The following TASP1 variants were observed in gnomAD, a reference collection of about 807,000 sequenced individuals.
TASP1 encodes the protein taspase 1, also known as threonine aspartase 1.
In TASP1, 16 loss-of-function variants were observed where a neutral mutation model predicts 56.6. That is an observed-to-expected ratio of 0.28 (90% confidence interval 0.19 to 0.43). TASP1 has a LOEUF of 0.43. TASP1 is among the 20% of genes least tolerant of loss of function. The pLI, the probability that TASP1 is intolerant of heterozygous loss-of-function variation, is 1.00. For synonymous variants in TASP1, 179 were observed against 184.2 expected (o/e 0.97, Z 0.23); for missense variants, 393 against 511.6 (o/e 0.77, Z 2.24).
the TASP1 span, among the ~76,000 whole-genome samples, chr20:13,172,341 C>G: frequency 2.0e-5 from 3 of 152,062 alleles, no homozygotes; most frequent in African/African-American, 7.2e-5. Flanking sequence ...GCTTTTACTA[C>G]TGAATATTAT....
At chr20:13,188,465 T>C in the TASP1 span, among the ~76,000 whole-genome samples, 4 of 152,064 alleles carry the variant, frequency 2.6e-5, no homozygotes, top group Non-Finnish European at 5.9e-5. Context: ...ATACTATCAA[T>C]AAATTTAACC....
chr20:13,418,870 C>T (rs2042347768), intron 12 of TASP1, among the ~76,000 whole-genome samples: 1 of 152,168 alleles, frequency 6.6e-6, no homozygotes, highest in African/African-American at 2.4e-5. Context: ...ATCAAACAGA[C>T]TTGAAATAGC....
chr20:13,446,445 C>T (rs2043413622), intron 11 of TASP1, among the ~76,000 whole-genome samples: 1 of 152,066 alleles, frequency 6.6e-6, no homozygotes, highest in African/African-American at 2.4e-5. Flanking sequence ...TACTGTTCTT[C>T]TAAGAAATGT....
chr20:13,490,176 C>CTT (rs1359148711), intron 10 of TASP1, among the ~76,000 whole-genome samples: 1 of 152,066 alleles, frequency 6.6e-6, no homozygotes, highest in East Asian at 1.9e-4. Context: ...TTTTAACTGA[C>CTT]TTTTTTAGGG....
chr20:13,548,092 A>T (rs1386822424), intron 8 of TASP1, among the ~76,000 whole-genome samples: 3 of 152,144 alleles, frequency 2.0e-5, no homozygotes, highest in Admixed American at 2.0e-4. Flanking sequence ...CCGGAGTGAG[A>T]TGGCAAAAGA....
At chr20:13,340,794 C>T in the TASP1 span, among the ~76,000 whole-genome samples, 13 of 152,122 alleles carry the variant, frequency 8.5e-5, no homozygotes, top group Non-Finnish European at 1.9e-4. Flanking sequence ...AAATTTACCA[C>T]TGAAATCAAC....
At chr20:13,414,018 C>A (rs6109869) in intron 13 of TASP1, among the ~76,000 whole-genome samples, 9,653 of 152,198 alleles carry the variant, frequency 0.063, 453 homozygotes, top group African/African-American at 0.13. Flanking sequence ...ACACTTTTTA[C>A]TAACCATATT....
At chr20:13,128,559 C>T in the TASP1 span, among the ~76,000 whole-genome samples, 41 of 152,236 alleles carry the variant, frequency 2.7e-4, no homozygotes, top group East Asian at 5.6e-3. Context: ...TATCACCTTG[C>T]TTACAATTAT....
the TASP1 span, among the ~76,000 whole-genome samples, chr20:13,310,533 C>T: frequency 6.6e-6 from 1 of 151,962 alleles, no homozygotes; most frequent in Non-Finnish European, 1.5e-5. Context: ...TGTCTCCTGC[C>T]CAAATATGTA....
chr20:13,381,737 A>T, the TASP1 span, among the ~76,000 whole-genome samples: 1 of 152,102 alleles, frequency 6.6e-6, no homozygotes, highest in Non-Finnish European at 1.5e-5. Context: ...CTCTTTTCTT[A>T]TAGTCTGCCT....
the TASP1 span, among the ~76,000 whole-genome samples, chr20:13,277,830 TG>T: frequency 2.6e-5 from 4 of 152,052 alleles, no homozygotes; most frequent in African/African-American, 9.7e-5. Context: ...ACTCTGGGGT[TG>T]AAAGTCACCC....
chr20:13,149,609 C>A, the TASP1 span, among the ~76,000 whole-genome samples: 1 of 152,218 alleles, frequency 6.6e-6, no homozygotes, highest in Non-Finnish European at 1.5e-5. Flanking sequence ...GTGGCAACCA[C>A]AAAGTGTGTC....
chr20:13,620,805 C>T (rs1454673716), intron 4 of TASP1, among the ~76,000 whole-genome samples: 1 of 152,158 alleles, frequency 6.6e-6, no homozygotes, highest in African/African-American at 2.4e-5. Context: ...CTCAATACTG[C>T]TACTTATATT....
the TASP1 span, among the ~76,000 whole-genome samples, chr20:13,121,147 A>C: frequency 6.6e-6 from 1 of 152,210 alleles, no homozygotes; most frequent in Non-Finnish European, 1.5e-5. Context: ...AAGGATCTTG[A>C]GTCCACCTGC....
At chr20:13,593,266 C>T (rs781261707) in intron 4 of TASP1, among the ~76,000 whole-genome samples, 4 of 152,134 alleles carry the variant, frequency 2.6e-5, no homozygotes, top group Non-Finnish European at 5.9e-5. Context: ...GGAACAGCTC[C>T]GGTCTGCAGC....
At chr20:13,380,046 T>C in the TASP1 span, among the ~76,000 whole-genome samples, 4 of 152,200 alleles carry the variant, frequency 2.6e-5, no homozygotes, top group Non-Finnish European at 5.9e-5. Context: ...GAGTTTGTTA[T>C]TACCCACCTT....
chr20:13,175,411 C>T, the TASP1 span, among the ~76,000 whole-genome samples: 1 of 152,094 alleles, frequency 6.6e-6, no homozygotes, highest in African/African-American at 2.4e-5. Flanking sequence ...ATTTTCTGGT[C>T]TTAGTAACAG....
chr20:13,424,160 A>T (rs1325548341), intron 12 of TASP1, among the ~76,000 whole-genome samples: 1 of 152,216 alleles, frequency 6.6e-6, no homozygotes, highest in African/African-American at 2.4e-5. Flanking sequence ...AAATCATTAT[A>T]AGTTTTTTTT....
the TASP1 span, chr20:13,299,170 T>A: frequency 4.4e-6 from 7 of 1,608,988 alleles, no homozygotes. The surrounding 1 kb of genome is among the most constrained non-coding windows in gnomAD (Gnocchi z 5.8). Context: ...CGGTACTGCA[T>A]CCGCTCCATG....
Sources: allele counts gnomAD v4.1 joint callset (sites outside exome capture counted in the v4.1 genomes callset), GRCh38; gene constraint gnomAD v4.1.1; non-coding constraint Gnocchi (gnomAD v3.1); transcripts MANE v1.5; gene names NCBI Gene and HGNC (gene_info 2026-07-23, HGNC 2026-07-21).